SLC25A26: variants seen among roughly 807,000 people sequenced by gnomAD.
The protein encoded by SLC25A26 is mitochondrial S-adenosylmethionine carrier protein.
SLC25A26 carries 36 observed loss-of-function variants against 37.8 expected under a neutral mutation model. The ratio of observed to expected loss-of-function variants is 0.95; its 90% confidence interval spans 0.73 to 1.26. The LOEUF (loss-of-function observed/expected upper bound fraction) is 1.26, where lower values mean the gene tolerates loss of function less well. Ranked by LOEUF, SLC25A26 falls within the 50% of genes most tolerant of loss-of-function variation. The probability of loss-of-function intolerance (pLI) is 0.00; values close to 1 mark genes in which losing one functional copy is unlikely to be tolerated. For synonymous variants in SLC25A26, 129 were observed against 122.5 expected, an observed-to-expected ratio of 1.05 and a Z score of -0.35; for missense variants, 390 against 331.1, an observed-to-expected ratio of 1.18 and a Z score of -1.38.
chr3:66,209,795 A>G (rs2071251486), intron 1 of SLC25A26, among the ~76,000 whole-genome samples: 1 of 135,158 alleles, frequency 7.4e-6, no homozygotes, highest in African/African-American at 2.7e-5. Context: ...ATATATATAC[A>G]CACCTATATA....
At chr3:66,290,785 T>G (rs2074678270) in intron 5 of SLC25A26, among the ~76,000 whole-genome samples, 1 of 152,190 alleles carries the variant, frequency 6.6e-6, no homozygotes, top group South Asian at 2.1e-4. Context: ...CTTTTTTTGT[T>G]GTGTCTCTGC....
intron 8 of SLC25A26, 49 bp from the exon 9 acceptor site, chr3:66,370,480 G>A: frequency 6.8e-7 from 1 of 1,467,328 alleles, no homozygotes; most frequent in African/African-American, 1.4e-5. Flanking sequence ...GCAAGTGTGT[G>A]ATTGGGAGCT....
At chr3:66,259,796 T>G (rs1273023481) in intron 3 of SLC25A26, among the ~76,000 whole-genome samples, 1 of 152,074 alleles carries the variant, frequency 6.6e-6, no homozygotes, top group Non-Finnish European at 1.5e-5. Flanking sequence ...CACACGTCAT[T>G]CCTCTGCTTC....
chr3:66,188,084 T>G (rs1327010118), intron 1 of SLC25A26, among the ~76,000 whole-genome samples: 1 of 152,082 alleles, frequency 6.6e-6, no homozygotes, highest in Non-Finnish European at 1.5e-5. Context: ...TGAACGTCAC[T>G]CTAATCCTCT....
At chr3:66,230,805 CAA>C (rs74185176) in intron 1 of SLC25A26, among the ~76,000 whole-genome samples, 6 of 53,924 alleles carry the variant, frequency 1.1e-4, no homozygotes, top group Non-Finnish European at 1.4e-4. Flanking sequence ...AACTCTGTCT[CAA>C]AAAAAAAAAA....
intron 4 of SLC25A26, 55 bp from the exon 5 acceptor site, chr3:66,263,277 T>A: frequency 7.6e-7 from 1 of 1,314,506 alleles, no homozygotes; most frequent in Non-Finnish European, 1.1e-6. Context: ...ATACAGAATG[T>A]CCTTCAGAAA....
chr3:66,206,931 C>A (rs1316730113), intron 1 of SLC25A26, among the ~76,000 whole-genome samples: 2 of 145,624 alleles, frequency 1.4e-5, no homozygotes, highest in African/African-American at 5.1e-5. Context: ...GGAGTTTTGC[C>A]ATGTTGCCTG....
At chr3:66,170,851 T>C (rs973843971) in intron 1 of SLC25A26, among the ~76,000 whole-genome samples, 14 of 124,214 alleles carry the variant, frequency 1.1e-4, no homozygotes, top group Admixed American at 7.7e-4. Flanking sequence ...TCGCCCAGGC[T>C]GGAGTGCAGT....
chr3:66,223,219 G>A (rs1482507407), intron 1 of SLC25A26, among the ~76,000 whole-genome samples: 2 of 152,214 alleles, frequency 1.3e-5, no homozygotes, highest in Admixed American at 6.5e-5. Context: ...GGAAAGCCAC[G>A]AAGTGGTAAC....
Position 66,208,810 on chromosome 3 carries a change from G to GTATA in SLC25A26, c.-353-11923_-353-11920dup, listed in dbSNP as rs1464581581. The stretch of plus-strand genomic sequence containing the variant: ...TATATATATACACACCTTTACATGG[G>GTATA]TATATATATATACCTTTATATGGGT... On this transcript the variant is annotated intron_variant, in intron 1 of 10. Transcript: ENST00000676754. Among the ~76,000 whole-genome samples the GTATA allele has an allele frequency of 3.2e-4, 32 of 100,894 alleles. No homozygotes were observed. In the South Asian group the frequency reaches 3.5e-3, roughly 11 times the overall value. The allele number at this position is 100,894 out of a possible 152,430, so 66.2% of individuals were successfully genotyped here.
At chr3:66,235,006 C>T (rs964843653) in intron 1 of SLC25A26, among the ~76,000 whole-genome samples, 1 of 151,854 alleles carries the variant, frequency 6.6e-6, no homozygotes, top group African/African-American at 2.4e-5. Context: ...CTTTGACTCA[C>T]ATCTTTAAAT....
chr3:66,240,349 G>A (rs1464319879), intron 2 of SLC25A26, among the ~76,000 whole-genome samples: 1 of 152,150 alleles, frequency 6.6e-6, no homozygotes, highest in African/African-American at 2.4e-5. Context: ...GAGTGCAGTG[G>A]CATGACGTTG....
intron 1 of SLC25A26, among the ~76,000 whole-genome samples, chr3:66,176,642 A>G (rs2070591571): frequency 6.6e-6 from 1 of 152,188 alleles, no homozygotes; most frequent in African/African-American, 2.4e-5. Context: ...CAAGTCTCAG[A>G]CTTTTGTGTT....
At chr3:66,251,072 T>A (rs1022552705) in intron 3 of SLC25A26, among the ~76,000 whole-genome samples, 1 of 151,796 alleles carries the variant, frequency 6.6e-6, no homozygotes, top group Non-Finnish European at 1.5e-5. Flanking sequence ...CAAGGAGGGG[T>A]GTTAGAGTTC....
chr3:66,303,552 C>T (rs1029515959), intron 5 of SLC25A26, among the ~76,000 whole-genome samples: 2 of 152,214 alleles, frequency 1.3e-5, no homozygotes, highest in Admixed American at 6.5e-5. Context: ...GTCAAGATCA[C>T]TTAACTAGAA....
Position 66,243,189 on chromosome 3 carries a change from G to C in SLC25A26, c.191-14G>C, listed in dbSNP as rs782317098. ...TTTAAACTTTGTGAAAGACTGGCTT[G>C]TTTTAAATTTCAGCTGCTGCATTTT... On this transcript the variant is annotated splice_polypyrimidine_tract_variant and intron_variant, in intron 2 of 9. Coordinates refer to ENST00000354883, the MANE Select transcript of SLC25A26 (RefSeq NM_001379210.1). 7.0e-7 allele frequency: 1 copy of C among 1,437,368 alleles called. No individual in the cohort carries two copies. The highest frequency in any genetic ancestry group is 9.7e-7 in the Non-Finnish European group (1 of 1,029,518). 89.0% of individuals were successfully genotyped at this position (1,437,368 alleles called of 1,614,324 possible).
intron 1 of SLC25A26, among the ~76,000 whole-genome samples, chr3:66,200,194 GC>G (rs2071091227): frequency 1.3e-5 from 2 of 152,172 alleles, no homozygotes; most frequent in Non-Finnish European, 2.9e-5. Flanking sequence ...GAATTAGAGG[GC>G]TAAAAATGTA....
At chr3:66,293,737 T>A (rs1365188010) in intron 5 of SLC25A26, among the ~76,000 whole-genome samples, 3 of 152,236 alleles carry the variant, frequency 2.0e-5, no homozygotes, top group African/African-American at 7.2e-5. Flanking sequence ...TTCTTACGGC[T>A]GTATAGTATT....
chr3:66,239,461 A>C (rs1419224376), intron 2 of SLC25A26, among the ~76,000 whole-genome samples: 1 of 152,210 alleles, frequency 6.6e-6, no homozygotes, highest in Admixed American at 6.5e-5. Context: ...TCAATAATTT[A>C]CTTAATGGCA....
Sources: gnomAD v4.1 joint callset for allele counts (sites outside exome capture counted in the v4.1 genomes callset) on GRCh38, gnomAD v4.1.1 for gene constraint, MANE v1.5 for transcripts, NCBI Gene and HGNC (gene_info 2026-07-23, HGNC 2026-07-21) for gene names.